The following KATNBL1 variants were observed in gnomAD, a reference collection of about 807,000 sequenced individuals.
KATNBL1 encodes the protein KATNB1-like protein 1.
KATNBL1 carries 28 observed loss-of-function variants against 44.7 expected under a neutral mutation model. The observed-to-expected ratio is 0.63, with a 90% CI of 0.46 to 0.86. KATNBL1 has a LOEUF of 0.86. Ranked by LOEUF, KATNBL1 falls within the 40% of genes least tolerant of loss-of-function variation. The pLI is 0.00. For missense variants in KATNBL1, 272 were observed against 350.7 expected (o/e 0.78, Z 1.79); for synonymous variants, 78 against 114.9 (o/e 0.68, Z 2.06).
chr15:34,163,741 AT>A, intron 1 of KATNBL1, 51 bp from the exon 2 acceptor site: 1 of 1,020,982 alleles, frequency 9.8e-7, no homozygotes, highest in Non-Finnish European at 1.4e-6. Context: ...GAGTCTGATC[AT>A]TTTTAACACA....
At chr15:34,196,282 G>A (rs1054850686) in intron 1 of KATNBL1, among the ~76,000 whole-genome samples, 3 of 152,020 alleles carry the variant, frequency 2.0e-5, no homozygotes, top group African/African-American at 7.2e-5. Context: ...GCCACGCATG[G>A]TGGCGCCTGC....
At chr15:34,151,942 CT>C (rs57229186) in intron 4 of KATNBL1, among the ~76,000 whole-genome samples, 28,762 of 139,280 alleles carry the variant, frequency 0.21, 3,408 homozygotes, top group African/African-American at 0.35. Context: ...CGGTGGTCCA[CT>C]TTTTTTTTTT....
intron 4 of KATNBL1, among the ~76,000 whole-genome samples, chr15:34,151,073 G>A (rs943485469): frequency 5.9e-5 from 9 of 152,108 alleles, no homozygotes; most frequent in Non-Finnish European, 1.0e-4. Context: ...ATGAACATAC[G>A]CATACATGTG....
chr15:34,149,710 C>T (rs537923203), intron 4 of KATNBL1, among the ~76,000 whole-genome samples: 37 of 152,332 alleles, frequency 2.4e-4, no homozygotes, highest in African/African-American at 7.9e-4. Context: ...AGGCATGAGC[C>T]GCCACACCAA....
chr15:34,162,606 T>C (rs1888841775), intron 2 of KATNBL1, among the ~76,000 whole-genome samples: 1 of 152,186 alleles, frequency 6.6e-6, no homozygotes, highest in Non-Finnish European at 1.5e-5. Context: ...TAATCTCTTT[T>C]CTTGTTGCTG....
rs1374463116 is a variant in KATNBL1 at position 34,150,655 on chromosome 15, ATAGG to A, written c.439-1909_439-1906del. Among the ~76,000 whole-genome samples, 4 of 152,346 alleles carry A rather than the reference ATAGG, an allele frequency of 2.6e-5. No homozygotes were observed. The East Asian group carries it at 7.7e-4, about 29-fold the overall frequency. On this transcript the variant is annotated intron_variant, in intron 4 of 9. Transcript: ENST00000256544. ...AGGGGCACATGTGCAGGTTTGTTAT[ATAGG>A]TAGTTTGCATGTTGTGGGGGTTTGG...
intron 4 of KATNBL1, among the ~76,000 whole-genome samples, chr15:34,150,607 C>G (rs1439271728): frequency 6.6e-6 from 1 of 152,100 alleles, no homozygotes; most frequent in African/African-American, 2.4e-5. Context: ...AAACACAAAA[C>G]AAAACAAACT....
chr15:34,170,462 T>A (rs1442071262), intron 1 of KATNBL1, among the ~76,000 whole-genome samples: 5 of 152,142 alleles, frequency 3.3e-5, no homozygotes, highest in African/African-American at 1.2e-4. Context: ...GGAAGAACAT[T>A]CCATGCTCAT....
intron 3 of KATNBL1, among the ~76,000 whole-genome samples, 184 bp downstream of exon 3, chr15:34,154,460 T>C (rs1407452992): frequency 6.6e-6 from 1 of 152,168 alleles, no homozygotes; most frequent in East Asian, 1.9e-4. Flanking sequence ...GGCTATAGAG[T>C]AGGACTGTTG....
At chr15:34,204,998 T>G (rs1323254548) in intron 1 of KATNBL1, among the ~76,000 whole-genome samples, 2 of 151,888 alleles carry the variant, frequency 1.3e-5, no homozygotes, top group Non-Finnish European at 2.9e-5. Context: ...AGTTTTTTTT[T>G]TTTTTTTTTC....
At chr15:34,152,677 G>A (rs540945891) in intron 4 of KATNBL1, 113 bp downstream of exon 4, 1 of 823,492 alleles carries the variant, frequency 1.2e-6, no homozygotes, top group Non-Finnish European at 1.9e-6. Flanking sequence ...ACTCAAATAA[G>A]TCTACATTCA....
At chr15:34,207,038 T>C (rs578107048) in intron 1 of KATNBL1, among the ~76,000 whole-genome samples, 730 of 31,896 alleles carry the variant, frequency 0.023, 6 homozygotes, top group African/African-American at 0.038. Context: ...TAGACAATAC[T>C]TTTTTTTTTT....
At chr15:34,194,893 A>G (rs564907013) in intron 1 of KATNBL1, among the ~76,000 whole-genome samples, 1 of 152,362 alleles carries the variant, frequency 6.6e-6, no homozygotes, top group East Asian at 1.9e-4. Flanking sequence ...AATTACAACT[A>G]CAATGAAATA....
rs62016517 is a variant in KATNBL1 at position 34,181,664 on chromosome 15, A to G, written c.-14-17974T>C. Among the ~76,000 whole-genome samples the G allele has an allele frequency of 2.8e-4, 25 of 88,318 alleles. 2 individuals are homozygous for G. The highest frequency in any genetic ancestry group is 1.1e-3 in the African/African-American group (24 of 21,058). The allele number at this position is 88,318 out of a possible 152,430, so 57.9% of individuals were successfully genotyped here. A position where few individuals can be genotyped will look rare whatever the true frequency, so the allele number is the denominator to read the frequency against. On this transcript the variant is annotated intron_variant, in intron 1 of 9. Coordinates refer to ENST00000256544, the MANE Select transcript of KATNBL1 (RefSeq NM_024713.3). ...TACACATATATATGTCCATATATAT[A>G]TCCATATATATACACATATATATGT...
chr15:34,163,011 T>A (rs1888853675), intron 2 of KATNBL1, among the ~76,000 whole-genome samples: 1 of 151,922 alleles, frequency 6.6e-6, no homozygotes, highest in African/African-American at 2.4e-5. Flanking sequence ...AATATTTAAA[T>A]TATATCATAT....
chr15:34,207,563 T>C (rs1206734393), intron 1 of KATNBL1, among the ~76,000 whole-genome samples: 5 of 152,084 alleles, frequency 3.3e-5, no homozygotes, highest in Non-Finnish European at 5.9e-5. Context: ...GGTCTCAAAC[T>C]TCTGGGCTCA....
chr15:34,165,321 T>C (rs954773277), intron 1 of KATNBL1, among the ~76,000 whole-genome samples: 1 of 151,834 alleles, frequency 6.6e-6, no homozygotes, highest in Non-Finnish European at 1.5e-5. Flanking sequence ...TGTGAGATTT[T>C]TTTTTTCAAA....
intron 5 of KATNBL1, 64 bp from the exon 6 acceptor site, chr15:34,147,494 T>G: frequency 7.7e-7 from 1 of 1,294,472 alleles, no homozygotes; most frequent in Non-Finnish European, 1.1e-6. Flanking sequence ...TTTCATATTA[T>G]GATTATTCAC....
intron 1 of KATNBL1, among the ~76,000 whole-genome samples, chr15:34,204,024 A>T (rs1312864389): frequency 4.3e-4 from 5 of 11,726 alleles, no homozygotes; most frequent in South Asian, 5.8e-3. Context: ...AACTTAATTA[A>T]AAAAAAAAAA....
Sources: gnomAD v4.1 joint callset for allele counts (sites outside exome capture counted in the v4.1 genomes callset) on GRCh38, gnomAD v4.1.1 for gene constraint, MANE v1.5 for transcripts, NCBI Gene and HGNC (gene_info 2026-07-23, HGNC 2026-07-21) for gene names.